GRIK1: variants seen among roughly 807,000 people sequenced by gnomAD.
The protein encoded by GRIK1 is glutamate ionotropic receptor kainate type subunit 1, also known as glutamate receptor ionotropic, kainate 1.
Under a neutral mutation model 105.7 loss-of-function variants are expected in GRIK1, and 69 were observed. The observed-to-expected ratio is 0.65, with a 90% confidence interval of 0.54 to 0.80. The LOEUF (loss-of-function observed/expected upper bound fraction) is 0.80, where lower values mean the gene tolerates loss of function less well. GRIK1 is among the 30% of genes least tolerant of loss of function. The pLI, the probability that GRIK1 is intolerant of heterozygous loss-of-function variation, is 0.00. For missense variants in GRIK1, 1,109 were observed against 1,167.3 expected (o/e 0.95, Z 0.73); for synonymous variants, 438 against 431.3 (o/e 1.02, Z -0.19).
At chr21:29,867,790 G>A (rs1473649405) in intron 1 of GRIK1, among the ~76,000 whole-genome samples, 1 of 117,724 alleles carries the variant, frequency 8.5e-6, no homozygotes, top group Non-Finnish European at 1.7e-5. Flanking sequence ...GTGAAACTAT[G>A]TCGAAAGAAG....
chr21:29,767,099 G>C (rs1032474644), intron 1 of GRIK1, among the ~76,000 whole-genome samples: 2 of 152,142 alleles, frequency 1.3e-5, no homozygotes, highest in African/African-American at 4.8e-5. Flanking sequence ...TGTGTGACTG[G>C]CACATACTTC....
intron 4 of GRIK1, among the ~76,000 whole-genome samples, chr21:29,656,824 C>T (rs1156670608): frequency 6.6e-6 from 1 of 152,180 alleles, no homozygotes; most frequent in East Asian, 1.9e-4. Context: ...TTCTCAACAA[C>T]GTCTCTACTA....
intron 1 of GRIK1, among the ~76,000 whole-genome samples, chr21:29,743,634 G>T (rs903025258): frequency 1.3e-5 from 2 of 152,090 alleles, no homozygotes; most frequent in African/African-American, 4.8e-5. Context: ...GGCAAATGTT[G>T]CAGTGAGCTG....
intron 16 of GRIK1, among the ~76,000 whole-genome samples, chr21:29,546,461 T>G (rs1368084624): frequency 3.3e-5 from 5 of 152,222 alleles, no homozygotes; most frequent in Non-Finnish European, 5.9e-5. Flanking sequence ...TCCCTTTTAA[T>G]TTTTCTGTGG....
At chr21:29,623,066 T>A (rs1242807409) in intron 7 of GRIK1, among the ~76,000 whole-genome samples, 1 of 152,202 alleles carries the variant, frequency 6.6e-6, no homozygotes, top group Non-Finnish European at 1.5e-5. Flanking sequence ...ATCCTGCTAA[T>A]AAAAACATAC....
chr21:29,645,405 G>C (rs2062597465), intron 6 of GRIK1, among the ~76,000 whole-genome samples: 1 of 152,150 alleles, frequency 6.6e-6, no homozygotes, highest in South Asian at 2.1e-4. Flanking sequence ...TGACCAATTT[G>C]ATAGAGAAGT....
chr21:29,866,089 T>C (rs1456428365), intron 1 of GRIK1, among the ~76,000 whole-genome samples: 2 of 152,062 alleles, frequency 1.3e-5, no homozygotes, highest in Non-Finnish European at 2.9e-5. Flanking sequence ...TCTTTTAAGA[T>C]AGGGTCTCCT....
chr21:29,848,772 TATATATA>T (rs1420045697), intron 1 of GRIK1, among the ~76,000 whole-genome samples: 1 of 101,642 alleles, frequency 9.8e-6, no homozygotes, highest in Admixed American at 1.0e-4. Flanking sequence ...TATATATATA[TATATATA>T]TTTTTTTTTT....
At position 29,553,703 on chromosome 21, in the gene GRIK1, G is replaced by A. The variant is rs363503; in HGVS notation, c.2607+1349C>T. 7.0e-3 allele frequency: 10,892 copies of A among 1,554,896 alleles called. 63 individuals carry two copies. Among genetic ancestry groups the A allele is most frequent in the South Asian group, 0.011 (927 of 81,210 alleles). On this transcript the variant is annotated intron_variant, in intron 16 of 17. Transcript: ENST00000327783. ...TTGCAGTCCATAAAAGAAACAAAAA[G>A]CCTTGCATGCAAAAGAAATGAGAAA...
intron 1 of GRIK1, among the ~76,000 whole-genome samples, chr21:29,773,824 G>A (rs1043672916): frequency 5.9e-5 from 9 of 152,216 alleles, no homozygotes; most frequent in African/African-American, 1.9e-4. Context: ...TGTATTTTGT[G>A]GAAAAATCTG....
At chr21:29,572,945 G>T (rs1247569814) in intron 14 of GRIK1, among the ~76,000 whole-genome samples, 1 of 151,996 alleles carries the variant, frequency 6.6e-6, no homozygotes, top group Non-Finnish European at 1.5e-5. Flanking sequence ...TAATATTTTT[G>T]TATTTTTAGT....
chr21:29,731,268 GC>G (rs2064619243), intron 1 of GRIK1, among the ~76,000 whole-genome samples: 1 of 152,178 alleles, frequency 6.6e-6, no homozygotes, highest in Non-Finnish European at 1.5e-5. Flanking sequence ...CTCATAATAA[GC>G]AGATGTTATC....
chr21:29,600,373 A>G (rs1287929950), intron 7 of GRIK1, among the ~76,000 whole-genome samples: 1 of 152,192 alleles, frequency 6.6e-6, no homozygotes, highest in Admixed American at 6.5e-5. Flanking sequence ...CACATTGGGT[A>G]TCTCTGGTGG....
intron 1 of GRIK1, among the ~76,000 whole-genome samples, chr21:29,780,662 A>G (rs1409828125): frequency 1.3e-5 from 2 of 152,246 alleles, no homozygotes; most frequent in African/African-American, 4.8e-5. Flanking sequence ...CTTGTGGCTC[A>G]GCATCATTTT....
At chr21:29,799,882 T>C (rs1164162120) in intron 1 of GRIK1, among the ~76,000 whole-genome samples, 1 of 152,138 alleles carries the variant, frequency 6.6e-6, no homozygotes, top group Non-Finnish European at 1.5e-5. Flanking sequence ...ATTCCACTTA[T>C]GGTATTACTA....
intron 1 of GRIK1, among the ~76,000 whole-genome samples, chr21:29,877,711 A>T (rs1378463818): frequency 1.3e-5 from 2 of 152,168 alleles, no homozygotes; most frequent in African/African-American, 4.8e-5. Flanking sequence ...ATTGGAGTAA[A>T]TAGTATTCAA....
intron 1 of GRIK1, among the ~76,000 whole-genome samples, chr21:29,903,002 G>A (rs145328268): frequency 6.6e-6 from 1 of 151,742 alleles, no homozygotes; most frequent in East Asian, 1.9e-4. Flanking sequence ...TCTGATCTTT[G>A]ACAAACCTGA....
chr21:29,642,789 C>T, intron 7 of GRIK1, 37 bp downstream of exon 7: 1 of 1,605,700 alleles, frequency 6.2e-7, no homozygotes, highest in Non-Finnish European at 8.5e-7. Flanking sequence ...CAACAGTGCT[C>T]AGAAGGGCCC....
intron 3 of GRIK1, among the ~76,000 whole-genome samples, chr21:29,684,021 A>C (rs1172931009): frequency 1.3e-5 from 2 of 152,220 alleles, no homozygotes; most frequent in Non-Finnish European, 2.9e-5. Context: ...GTATCCTTAC[A>C]TAAAACTGTA....
Sources: gnomAD v4.1 joint callset for allele counts (sites outside exome capture counted in the v4.1 genomes callset) on GRCh38, gnomAD v4.1.1 for gene constraint, MANE v1.5 for transcripts, NCBI Gene and HGNC (gene_info 2026-07-23, HGNC 2026-07-21) for gene names.